The following ADAMTS2 variants were observed in gnomAD, a reference collection of about 807,000 sequenced individuals.
ADAMTS2 encodes A disintegrin and metalloproteinase with thrombospondin motifs 2.
A neutral mutation model predicts 123.0 loss-of-function variants in ADAMTS2; 50 were observed. That is an observed-to-expected ratio of 0.41 (90% CI 0.32 to 0.51). ADAMTS2 has a LOEUF of 0.51. Among genes scored for constraint, ADAMTS2 ranks in the 20% least tolerant of loss-of-function variants. The pLI, the probability that ADAMTS2 is intolerant of heterozygous loss-of-function variation, is 0.35. For synonymous variants in ADAMTS2, 678 were observed against 695.4 expected (o/e 0.98, Z 0.39); for missense variants, 1,494 against 1,705.2 (o/e 0.88, Z 2.18).
In ADAMTS2 at chr5:179,169,544, A is replaced by G. The variant is rs955271553; in HGVS notation, c.976-10665T>C. 3.3e-5 allele frequency among the ~76,000 whole-genome samples: 5 copies of G among 152,144 alleles called. No individual in the cohort carries two copies. In the East Asian group the frequency reaches 9.6e-4, roughly 29 times the overall value. ...GGCCATCATGCCTTGCACCCCTATC[A>G]GGTTGGGGGTTGGGACCCAGATGCT... On this transcript the variant is annotated intron_variant, in intron 5 of 21. Transcript: ENST00000251582.
intron 4 of ADAMTS2, among the ~76,000 whole-genome samples, chr5:179,199,387 G>A (rs1168370219): frequency 6.6e-6 from 1 of 152,218 alleles, no homozygotes; most frequent in African/African-American, 2.4e-5. Context: ...GCAGGAAAGG[G>A]GCATGTCTGG....
intron 18 of ADAMTS2, 112 bp from the exon 19 acceptor site, chr5:179,125,292 A>G: frequency 1.1e-6 from 1 of 911,772 alleles, no homozygotes; most frequent in South Asian, 1.4e-5. Context: ...CACAGAGGGC[A>G]GCCTGCACCC....
rs1210358510 is a variant in ADAMTS2, at chr5:179,185,412, C to T, written c.892-4257G>A. ...GCTCTGGAAGGGCATTCCGGCAGCT[C>T]CCACAGGGCGGAGGGAGGAGATGCG... On this transcript the variant is annotated intron_variant, in intron 4 of 21. Coordinates refer to ENST00000251582, the MANE Select transcript of ADAMTS2 (RefSeq NM_014244.5). This position sits in a 1 kb window ranked among gnomAD's most constrained non-coding sequence, Gnocchi z 5.9. 6.6e-6 allele frequency among the ~76,000 whole-genome samples: 1 copy of T among 152,084 alleles called. No individual in the cohort carries two copies. The highest frequency in any genetic ancestry group is 6.5e-5 in the Admixed American group (1 of 15,274).
chr5:179,171,645 A>T, intron 5 of ADAMTS2, among the ~76,000 whole-genome samples: 1 of 152,174 alleles, frequency 6.6e-6, no homozygotes, highest in Non-Finnish European at 1.5e-5. Flanking sequence ...CCCTACCCCC[A>T]TCACTGCCTC....
Position 179,162,602 on chromosome 5 carries a change from C to T in ADAMTS2, c.976-3723G>A, listed in dbSNP as rs149947714. Among the ~76,000 whole-genome samples the T allele has an allele frequency of 9.2e-3, 1,400 of 152,292 alleles. 26 individuals are homozygous for T. The highest frequency in any genetic ancestry group is 0.031 in the African/African-American group (1,286 of 41,546). The stretch of plus-strand genomic sequence containing the variant: ...TCACCCATGTCAGCTTTACCCCACA[C>T]GGTCGCCCCTGCTCGAGGGACCCAA... On this transcript the variant is annotated intron_variant, in intron 5 of 21. Coordinates refer to ENST00000251582, the MANE Select transcript of ADAMTS2 (RefSeq NM_014244.5). This position sits in a 1 kb window ranked among gnomAD's most constrained non-coding sequence, Gnocchi z 5.1.
chr5:179,177,632 A>G (rs749943357), intron 5 of ADAMTS2, among the ~76,000 whole-genome samples: 4 of 152,110 alleles, frequency 2.6e-5, no homozygotes, highest in South Asian at 2.1e-4. Context: ...GAAATCCTCA[A>G]TTTCCCCAGG....
In ADAMTS2 at chr5:179,185,087, G is replaced by A. The variant is rs906077517; in HGVS notation, c.892-3932C>T. Reference sequence around the variant, plus strand: ...CAGCGAGGCACCTTCCAAGCACAGAGGGGATGTGGAAGGGATGCCCCAGCA... The same window carrying A: ...CAGCGAGGCACCTTCCAAGCACAGAAGGGATGTGGAAGGGATGCCCCAGCA... On this transcript the variant is annotated intron_variant, in intron 4 of 21. Transcript: ENST00000251582. The surrounding 1 kb of genome is among the most constrained non-coding windows in gnomAD (Gnocchi z 5.9). Among the ~76,000 whole-genome samples the A allele has an allele frequency of 1.3e-5, 2 of 152,184 alleles. No individual in the cohort carries two copies. The highest frequency in any genetic ancestry group is 2.4e-5 in the African/African-American group (1 of 41,446).
intron 10 of ADAMTS2, among the ~76,000 whole-genome samples, chr5:179,145,012 C>A (rs1234391647): frequency 6.6e-6 from 1 of 151,772 alleles, no homozygotes; most frequent in East Asian, 1.9e-4. Context: ...GACTTGTATC[C>A]AGAATAAATA....
intron 2 of ADAMTS2, among the ~76,000 whole-genome samples, chr5:179,276,948 C>T (rs761949048): frequency 3.3e-5 from 5 of 152,248 alleles, no homozygotes; most frequent in Non-Finnish European, 7.4e-5. Flanking sequence ...CGGAGTAACC[C>T]GGGGGACAGT....
chr5:179,340,380 A>G (rs1180785387), intron 2 of ADAMTS2, among the ~76,000 whole-genome samples: 1 of 152,194 alleles, frequency 6.6e-6, no homozygotes, highest in African/African-American at 2.4e-5. Flanking sequence ...GCTGCAGCCC[A>G]GCGCAGGTCA....
chr5:179,204,515 G>A (rs1331672387), intron 4 of ADAMTS2, among the ~76,000 whole-genome samples: 4 of 152,190 alleles, frequency 2.6e-5, no homozygotes, highest in Non-Finnish European at 5.9e-5. Flanking sequence ...CCCCAGCACC[G>A]CGGGAAGCTC....
At chr5:179,190,719 C>A (rs1764285149) in intron 4 of ADAMTS2, among the ~76,000 whole-genome samples, 1 of 152,244 alleles carries the variant, frequency 6.6e-6, no homozygotes, top group African/African-American at 2.4e-5. Flanking sequence ...TCCCCAGCAC[C>A]TAGTACAGGC....
In ADAMTS2 at chr5:179,155,560, G is replaced by A. The variant is rs866184337; in HGVS notation, c.1133-641C>T. 7.4e-4 allele frequency among the ~76,000 whole-genome samples: 113 copies of A among 152,322 alleles called. 1 individual carries two copies. The Middle Eastern group carries it at 0.02, about 28-fold the overall frequency. ...TGCGGACTGGGAGGTCAGAGCCGCC[G>A]TAGAAGATGAGGCCAGTGGCCTACG... On this transcript the variant is annotated intron_variant, in intron 6 of 21. Transcript: ENST00000251582. The surrounding 1 kb of genome is among the most constrained non-coding windows in gnomAD (Gnocchi z 5.1).
intron 5 of ADAMTS2, among the ~76,000 whole-genome samples, chr5:179,176,941 G>A (rs999593931): frequency 4.6e-5 from 7 of 151,558 alleles, no homozygotes; most frequent in African/African-American, 1.5e-4. Context: ...GACTTCACTG[G>A]ACCATCTTCA....
At chr5:179,288,813 C>T (rs982340455) in intron 2 of ADAMTS2, among the ~76,000 whole-genome samples, 3 of 152,228 alleles carry the variant, frequency 2.0e-5, no homozygotes, top group African/African-American at 7.2e-5. Context: ...TCCTGGTCCT[C>T]ACAAGGGACA....
chr5:179,132,015 C>A lies in ADAMTS2; in HGVS notation c.2290+215G>T, dbSNP rs1762971272. On this transcript the variant is annotated intron_variant, in intron 15 of 21. Coordinates refer to ENST00000251582, the MANE Select transcript of ADAMTS2 (RefSeq NM_014244.5). This position sits in a 1 kb window ranked among gnomAD's most constrained non-coding sequence, Gnocchi z 6.1. ...CTTTCATAGCTGCTGCCAAGCGGAG[C>A]CCTCTGATCCCAAACCCTGGCCTCT... Among the ~76,000 whole-genome samples the A allele has an allele frequency of 6.6e-6, 1 of 152,214 alleles. No homozygotes were observed. The highest frequency in any genetic ancestry group is 2.4e-5 in the African/African-American group (1 of 41,464).
chr5:179,238,329 G>A (rs1581212080), intron 3 of ADAMTS2, among the ~76,000 whole-genome samples: 1 of 152,202 alleles, frequency 6.6e-6, no homozygotes, highest in African/African-American at 2.4e-5. Flanking sequence ...TCCCCTCAGG[G>A]ACTGCTCCTG....
In ADAMTS2 at chr5:179,281,172, T is replaced by G. The variant is rs1766894103; in HGVS notation, c.535-8108A>C. The stretch of plus-strand genomic sequence containing the variant: ...GGCGCCCGGCCAGTTCAATGCTTTT[T>G]AATATATAACAGCTTTATGGTGCTG... On this transcript the variant is annotated intron_variant, in intron 2 of 21. Coordinates refer to ENST00000251582, the MANE Select transcript of ADAMTS2 (RefSeq NM_014244.5). Among the ~76,000 whole-genome samples the G allele has an allele frequency of 2.0e-5, 3 of 152,262 alleles. No homozygotes were observed. In the South Asian group the frequency reaches 6.2e-4, roughly 32 times the overall value.
In ADAMTS2 at chr5:179,115,247, T is replaced by G. The variant is rs1199848162; in HGVS notation, c.3179-923A>C. 6.6e-6 allele frequency among the ~76,000 whole-genome samples: 1 copy of G among 152,114 alleles called. No individual in the cohort carries two copies. Among genetic ancestry groups the G allele is most frequent in the Non-Finnish European group, 1.5e-5 (1 of 68,022 alleles). On this transcript the variant is annotated intron_variant, in intron 21 of 21. Transcript: ENST00000251582. This position sits in a 1 kb window ranked among gnomAD's most constrained non-coding sequence, Gnocchi z 4.4. The stretch of plus-strand genomic sequence containing the variant: ...ATCTCGACCTCTGTCTGCGGCTATG[T>G]TCATTCAACCCATCAACTCTTCTTG...
Sources: gnomAD v4.1 joint callset for allele counts (sites outside exome capture counted in the v4.1 genomes callset) on GRCh38, gnomAD v4.1.1 for gene constraint, Gnocchi (gnomAD v3.1) non-coding constraint, MANE v1.5 for transcripts, NCBI Gene and HGNC (gene_info 2026-07-23, HGNC 2026-07-21) for gene names.